The following NSMCE2 variants were observed in gnomAD, a reference collection of about 807,000 sequenced individuals.
NSMCE2 encodes E3 SUMO-protein ligase NSE2.
A neutral mutation model predicts 23.8 loss-of-function variants in NSMCE2; 24 were observed. The observed-to-expected ratio is 1.01, with a 90% CI of 0.73 to 1.42. The LOEUF is 1.42. NSMCE2 is among the 40% of genes most tolerant of loss of function. The probability of loss-of-function intolerance (pLI) is 0.00; values close to 1 mark genes in which losing one functional copy is unlikely to be tolerated. For synonymous variants in NSMCE2, 92 were observed against 94.1 expected, an observed-to-expected ratio of 0.98 and a Z score of 0.13; for missense variants, 284 against 296.5, an observed-to-expected ratio of 0.96 and a Z score of 0.31.
chr8:125,366,130 C>A (rs1218086100), intron 7 of NSMCE2, among the ~76,000 whole-genome samples: 2 of 152,178 alleles, frequency 1.3e-5, no homozygotes, highest in Non-Finnish European at 2.9e-5. Flanking sequence ...GAAGCTGTGG[C>A]CCCAGCACTC....
At chr8:125,148,403 G>A (rs928757149) in intron 3 of NSMCE2, among the ~76,000 whole-genome samples, 6 of 152,126 alleles carry the variant, frequency 3.9e-5, no homozygotes, top group Non-Finnish European at 7.4e-5. Context: ...CAGCTCTTTT[G>A]TAGCATTTTG....
At chr8:125,223,867 A>G (rs755237804) in intron 5 of NSMCE2, among the ~76,000 whole-genome samples, 2 of 133,236 alleles carry the variant, frequency 1.5e-5, no homozygotes, top group Non-Finnish European at 3.0e-5. Context: ...GCTGGAGTAT[A>G]GTGGCGCAAT....
At chr8:125,171,193 G>A (rs1822188356) in intron 4 of NSMCE2, among the ~76,000 whole-genome samples, 1 of 152,066 alleles carries the variant, frequency 6.6e-6, no homozygotes, top group African/African-American at 2.4e-5. Flanking sequence ...GTTCTCCATG[G>A]CACTTATACC....
intron 5 of NSMCE2, among the ~76,000 whole-genome samples, chr8:125,220,189 C>A (rs1232778604): frequency 6.6e-6 from 1 of 152,106 alleles, no homozygotes; most frequent in East Asian, 1.9e-4. Flanking sequence ...CTCATTTGGG[C>A]AGGAGTCAGA....
At chr8:125,226,392 A>G (rs1241243827) in intron 5 of NSMCE2, among the ~76,000 whole-genome samples, 2 of 152,242 alleles carry the variant, frequency 1.3e-5, no homozygotes, top group Non-Finnish European at 2.9e-5. Flanking sequence ...AATTGAAGAC[A>G]GTGCATCCTT....
At chr8:125,220,649 A>G (rs1307034172) in intron 5 of NSMCE2, among the ~76,000 whole-genome samples, 1 of 152,070 alleles carries the variant, frequency 6.6e-6, no homozygotes, top group Non-Finnish European at 1.5e-5. Flanking sequence ...ATTTAAAAAA[A>G]AAAAAAAGTA....
At chr8:125,352,363 C>T (rs1210089476) in intron 5 of NSMCE2, among the ~76,000 whole-genome samples, 1 of 151,722 alleles carries the variant, frequency 6.6e-6, no homozygotes, top group Non-Finnish European at 1.5e-5. Context: ...GTAATCCCAG[C>T]TACTCGGGAG....
intron 5 of NSMCE2, among the ~76,000 whole-genome samples, chr8:125,309,226 C>T (rs1282680934): frequency 3.9e-5 from 5 of 127,900 alleles, no homozygotes; most frequent in African/African-American, 1.5e-4. Flanking sequence ...CCAGCCTGGG[C>T]TATAAGGGCA....
intron 5 of NSMCE2, among the ~76,000 whole-genome samples, chr8:125,331,645 C>G (rs1478057187): frequency 6.6e-6 from 1 of 151,864 alleles, no homozygotes; most frequent in Non-Finnish European, 1.5e-5. Flanking sequence ...CTTAATCCTT[C>G]AGAATAGCAC....
intron 5 of NSMCE2, among the ~76,000 whole-genome samples, chr8:125,288,204 C>T (rs1405852016): frequency 1.3e-5 from 2 of 152,192 alleles, no homozygotes; most frequent in East Asian, 3.8e-4. Flanking sequence ...ATTATCACGG[C>T]TGCAGCTCCC....
chr8:125,228,491 A>G (rs1825192203), intron 5 of NSMCE2, among the ~76,000 whole-genome samples: 2 of 152,236 alleles, frequency 1.3e-5, no homozygotes, highest in African/African-American at 2.4e-5. Flanking sequence ...AAAGTGATGA[A>G]TTTTGACCAG....
chr8:125,310,321 GT>G (rs1333320322), intron 5 of NSMCE2, among the ~76,000 whole-genome samples: 1 of 151,872 alleles, frequency 6.6e-6, no homozygotes, highest in African/African-American at 2.4e-5. Context: ...TTGCTCCTCA[GT>G]TTTTTTTAAT....
intron 7 of NSMCE2, among the ~76,000 whole-genome samples, chr8:125,359,419 C>G (rs547131626): frequency 1.5e-3 from 223 of 150,290 alleles, no homozygotes; most frequent in Middle Eastern, 6.8e-3. Flanking sequence ...CCACAACCTC[C>G]GTCTCCCAGG....
At chr8:125,172,711 A>G (rs1215668004) in intron 4 of NSMCE2, among the ~76,000 whole-genome samples, 1 of 152,232 alleles carries the variant, frequency 6.6e-6, no homozygotes, top group East Asian at 1.9e-4. Context: ...AAACATAAAT[A>G]TGTTTATGTC....
chr8:125,365,418 A>AT (rs1225825410), intron 7 of NSMCE2, among the ~76,000 whole-genome samples: 4 of 152,090 alleles, frequency 2.6e-5, no homozygotes, highest in Non-Finnish European at 4.4e-5. Flanking sequence ...ACCCTGCAGG[A>AT]TCCCCCATGC....
At chr8:125,350,202 T>C (rs1426705430) in intron 5 of NSMCE2, among the ~76,000 whole-genome samples, 2 of 152,176 alleles carry the variant, frequency 1.3e-5, no homozygotes, top group Admixed American at 6.5e-5. Context: ...ATAGCACTTA[T>C]GGACATGTGC....
chr8:125,270,691 A>G (rs1827143828), intron 5 of NSMCE2: 1 of 152,260 alleles, frequency 6.6e-6, no homozygotes, highest in Admixed American at 6.5e-5. Flanking sequence ...TCTGGGCTAC[A>G]GTACAGTATG....
chr8:125,112,497 T>C (rs1000594652), intron 3 of NSMCE2, among the ~76,000 whole-genome samples: 12 of 152,262 alleles, frequency 7.9e-5, no homozygotes, highest in Middle Eastern at 3.4e-3. Context: ...TGAGTGTCTA[T>C]CAATGGATGA....
chr8:125,093,182 T>C (rs1281727491), intron 1 of NSMCE2, among the ~76,000 whole-genome samples: 1 of 152,220 alleles, frequency 6.6e-6, no homozygotes, highest in Non-Finnish European at 1.5e-5. Context: ...AGGTGGCTTC[T>C]TGCTGTGTCC....
Sources: allele counts gnomAD v4.1 joint callset (sites outside exome capture counted in the v4.1 genomes callset), GRCh38; gene constraint gnomAD v4.1.1; transcripts MANE v1.5; gene names NCBI Gene and HGNC (gene_info 2026-07-23, HGNC 2026-07-21).